Variants in RPTOR observed in about 807,000 individuals in gnomAD.
The protein encoded by RPTOR is regulatory-associated protein of mTOR.
Under a neutral mutation model 169.9 loss-of-function variants are expected in RPTOR, and 21 were observed. The ratio of observed to expected loss-of-function variants is 0.12; its 90% CI spans 0.09 to 0.18. The LOEUF (loss-of-function observed/expected upper bound fraction) is 0.18. RPTOR is among the 10% of genes least tolerant of loss of function. RPTOR has a pLI of 1.00. For missense variants in RPTOR, 1,133 were observed against 1,855.9 expected (o/e 0.61, Z 7.16); for synonymous variants, 732 against 753.2 (o/e 0.97, Z 0.46).
At chr17:80,912,791 G>A (rs1031674185) in intron 21 of RPTOR, among the ~76,000 whole-genome samples, 7 of 152,112 alleles carry the variant, frequency 4.6e-5, no homozygotes, top group South Asian at 2.1e-4. Context: ...CGGCTTTGTC[G>A]TGCTATCCGA....
intron 24 of RPTOR, among the ~76,000 whole-genome samples, chr17:80,928,834 G>A (rs528165255): frequency 6.6e-6 from 1 of 152,202 alleles, no homozygotes; most frequent in African/African-American, 2.4e-5. Context: ...CAGTTGGAAG[G>A]TTTCAAAAAT....
At chr17:80,676,335 A>G (rs2065861224) in intron 3 of RPTOR, among the ~76,000 whole-genome samples, 1 of 147,002 alleles carries the variant, frequency 6.8e-6, no homozygotes, top group Non-Finnish European at 1.5e-5. Context: ...AGATGGAGTC[A>G]CCCCCGGCTA....
chr17:80,594,384 G>T (rs2065129596), intron 1 of RPTOR, among the ~76,000 whole-genome samples: 1 of 152,186 alleles, frequency 6.6e-6, no homozygotes, highest in African/African-American at 2.4e-5. Flanking sequence ...GAGCCACCAC[G>T]CCCGGCCGTG....
chr17:80,626,604 T>C (rs2065396423), intron 2 of RPTOR, among the ~76,000 whole-genome samples: 1 of 151,968 alleles, frequency 6.6e-6, no homozygotes. Flanking sequence ...GTGGTAGGGT[T>C]TTTGCTAATC....
Position 80,582,912 on chromosome 17 carries a change from TTTTC to T in RPTOR, c.162+37125_162+37128del, listed in dbSNP as rs1194964682. Among the ~76,000 whole-genome samples the T allele has an allele frequency of 5.5e-5, 8 of 145,212 alleles. No homozygotes were observed. The Admixed American group carries it at 5.6e-4, about 10-fold the overall frequency. ...TTAGTCTCTATTATTCTTTCTTTTT[TTTTC>T]TTTTTTTTTTTTTGAGACGGGGTCC... On this transcript the variant is annotated intron_variant, in intron 1 of 33. Coordinates refer to ENST00000306801, the MANE Select transcript of RPTOR (RefSeq NM_020761.3).
At chr17:80,806,143 G>A (rs188336728) in intron 7 of RPTOR, among the ~76,000 whole-genome samples, 1 of 152,274 alleles carries the variant, frequency 6.6e-6, no homozygotes, top group African/African-American at 2.4e-5. Context: ...GCTTATGCAG[G>A]GGTGGAATTA....
intron 4 of RPTOR, among the ~76,000 whole-genome samples, chr17:80,710,571 ATG>A (rs59732457): frequency 0.011 from 1,560 of 145,098 alleles, 28 homozygotes; most frequent in African/African-American, 0.031. Context: ...GGTTATTTGT[ATG>A]TGTGTGTGTG....
At chr17:80,735,621 G>A (rs1380802075) in intron 5 of RPTOR, among the ~76,000 whole-genome samples, 2 of 152,174 alleles carry the variant, frequency 1.3e-5, no homozygotes, top group East Asian at 3.9e-4. Context: ...AGTCAAGCCC[G>A]GAGTCAAATC....
At chr17:80,546,928 G>T (rs1345538966) in intron 1 of RPTOR, among the ~76,000 whole-genome samples, 6 of 152,068 alleles carry the variant, frequency 3.9e-5, no homozygotes, top group Admixed American at 1.3e-4. Context: ...AATTAGCTGG[G>T]CTTGGTGGCA....
chr17:80,630,101 C>G (rs2065430874), intron 2 of RPTOR, among the ~76,000 whole-genome samples: 1 of 152,222 alleles, frequency 6.6e-6, no homozygotes, highest in South Asian at 2.1e-4. Context: ...AGAGCCTCTG[C>G]TGTGTTCATC....
At chr17:80,956,521 G>C (rs1157088561) in intron 28 of RPTOR, among the ~76,000 whole-genome samples, 3 of 152,250 alleles carry the variant, frequency 2.0e-5, no homozygotes, top group African/African-American at 7.2e-5. Flanking sequence ...CCCATGCCGA[G>C]CTCCTGTTTG....
intron 7 of RPTOR, among the ~76,000 whole-genome samples, chr17:80,818,720 C>T (rs2067349092): frequency 6.6e-6 from 1 of 152,120 alleles, no homozygotes; most frequent in Non-Finnish European, 1.5e-5. Flanking sequence ...TCTGGTTTCA[C>T]GATGAGCTTA....
chr17:80,802,101 CA>C (rs1195065835), intron 7 of RPTOR: 1 of 152,224 alleles, frequency 6.6e-6, no homozygotes. Flanking sequence ...TGCAGACGTG[CA>C]GCCAAGGGGG....
chr17:80,939,679 T>C (rs1474362924), intron 24 of RPTOR, among the ~76,000 whole-genome samples: 1 of 152,182 alleles, frequency 6.6e-6, no homozygotes. Flanking sequence ...GAGGCTGTCT[T>C]CCTTCTGTCT....
chr17:80,965,407 G>T lies in RPTOR; in HGVS notation c.*1077G>T, dbSNP rs759162588. The T allele has an allele frequency of 4.3e-6, 1 of 233,376 alleles. No individual in the cohort carries two copies. The highest frequency in any genetic ancestry group is 8.5e-6 in the Non-Finnish European group (1 of 118,082). 14.5% of individuals were successfully genotyped at this position (233,376 alleles called of 1,614,324 possible). ...GAGCCGCCCATGCTGATGCGACCTC[G>T]GCTGACAGCTGGGCCTGTGGTGCAG... On this transcript the variant is annotated 3_prime_UTR_variant, in exon 34 of 34. Transcript: ENST00000306801.
At chr17:80,784,186 T>C (rs2066968684) in intron 6 of RPTOR, among the ~76,000 whole-genome samples, 1 of 151,834 alleles carries the variant, frequency 6.6e-6, no homozygotes, top group Non-Finnish European at 1.5e-5. Flanking sequence ...ACTCGTGTCC[T>C]CAAGTGATCC....
intron 1 of RPTOR, among the ~76,000 whole-genome samples, chr17:80,589,746 TG>T (rs1239017432): frequency 6.6e-6 from 1 of 152,236 alleles, no homozygotes; most frequent in Non-Finnish European, 1.5e-5. Flanking sequence ...GTTTTCGTTT[TG>T]TTTTTTTTCA....
chr17:80,728,971 G>A (rs1052008731), intron 4 of RPTOR, among the ~76,000 whole-genome samples: 2 of 152,174 alleles, frequency 1.3e-5, no homozygotes, highest in Non-Finnish European at 2.9e-5. Flanking sequence ...ATGTTTGGCA[G>A]AGCACAGGTA....
At chr17:80,808,126 C>G (rs2067237946) in intron 7 of RPTOR, among the ~76,000 whole-genome samples, 1 of 136,036 alleles carries the variant, frequency 7.4e-6, no homozygotes, top group South Asian at 2.4e-4. Flanking sequence ...AAGACCCTAT[C>G]TCTACCAAAA....
Sources: gnomAD v4.1 joint callset for allele counts (sites outside exome capture counted in the v4.1 genomes callset) on GRCh38, gnomAD v4.1.1 for gene constraint, MANE v1.5 for transcripts, NCBI Gene and HGNC (gene_info 2026-07-23, HGNC 2026-07-21) for gene names.